Variants in DUS2 observed in about 807,000 individuals in gnomAD.
The protein encoded by DUS2 is dihydrouridine synthase 2, also known as tRNA-dihydrouridine(20) synthase [NAD(P)+]-like.
DUS2 carries 52 observed loss-of-function variants against 71.3 expected under a neutral mutation model. The ratio of observed to expected loss-of-function variants is 0.73; its 90% CI spans 0.58 to 0.92. The LOEUF is 0.92. DUS2 is among the 40% of genes least tolerant of loss of function. The pLI is 0.00. For synonymous variants in DUS2, 204 were observed against 227.8 expected (o/e 0.90, Z 0.94); for missense variants, 558 against 622.6 (o/e 0.90, Z 1.10).
intron 8 of DUS2, 102 bp from the exon 9 acceptor site, chr16:68,066,215 C>CT (rs2034002802): frequency 9.4e-7 from 1 of 1,058,550 alleles, no homozygotes; most frequent in Non-Finnish European, 1.5e-6. Context: ...GCAAACTGTT[C>CT]ATGCCACCGG....
At chr16:68,070,628 T>A (rs1414913154) in intron 11 of DUS2, among the ~76,000 whole-genome samples, 1 of 152,206 alleles carries the variant, frequency 6.6e-6, no homozygotes, top group Non-Finnish European at 1.5e-5. Flanking sequence ...GTAGCCCCAG[T>A]AGCCCAGTTA....
intron 3 of DUS2, among the ~76,000 whole-genome samples, chr16:68,046,481 C>A (rs540055964): frequency 6.6e-6 from 1 of 151,920 alleles, no homozygotes; most frequent in African/African-American, 2.4e-5. Flanking sequence ...CAGGTTCAAG[C>A]GATTCTCCTG....
At chr16:68,054,967 C>T (rs1294682761) in intron 6 of DUS2, among the ~76,000 whole-genome samples, 3 of 152,080 alleles carry the variant, frequency 2.0e-5, no homozygotes, top group East Asian at 1.9e-4. Context: ...CGCTTGAACC[C>T]GGGAGGCAGA....
rs1026759581 is a variant in DUS2 at position 68,079,272 on chromosome 16, C to G, written c.*286C>G. On this transcript the variant is annotated 3_prime_UTR_variant, in exon 17 of 17. Coordinates refer to ENST00000565263, the MANE Select transcript of DUS2 (RefSeq NM_017803.5). ...TTGGTACTGTGCAATAAAGACACCC[C>G]CTACCCTCACCCACGGCTGGCTGCT... 1 of 280,466 alleles carries G rather than the reference C, an allele frequency of 3.6e-6. No individual in the cohort carries two copies. Among genetic ancestry groups the G allele is most frequent in the African/African-American group, 2.2e-5 (1 of 45,850 alleles). 17.4% of individuals were successfully genotyped at this position (280,466 alleles called of 1,614,324 possible). A position where few individuals can be genotyped will look rare whatever the true frequency, so the allele number is the denominator to read the frequency against.
intron 2 of DUS2, among the ~76,000 whole-genome samples, chr16:68,027,630 C>T (rs2033373037): frequency 6.6e-6 from 1 of 152,236 alleles, no homozygotes; most frequent in Non-Finnish European, 1.5e-5. Context: ...GATGAACAAG[C>T]CACAGTGCCT....
At chr16:68,071,452 G>A (rs957424018) in intron 12 of DUS2, among the ~76,000 whole-genome samples, 2 of 152,162 alleles carry the variant, frequency 1.3e-5, no homozygotes, top group African/African-American at 2.4e-5. Flanking sequence ...GCATATGCAC[G>A]TGGACTGTGG....
At chr16:68,027,100 G>C (rs1019800444) in intron 2 of DUS2, 7 of 152,302 alleles carry the variant, frequency 4.6e-5, no homozygotes, top group South Asian at 2.1e-4. Flanking sequence ...AGAGATTGGA[G>C]TAGTCATTCG....
intron 2 of DUS2, among the ~76,000 whole-genome samples, chr16:68,032,069 T>C (rs1207322508): frequency 6.6e-6 from 1 of 152,132 alleles, no homozygotes; most frequent in Non-Finnish European, 1.5e-5. Context: ...AGATTGGAAA[T>C]GAGTGACTAA....
At chr16:68,045,965 T>C (rs2033694459) in intron 3 of DUS2, among the ~76,000 whole-genome samples, 1 of 152,036 alleles carries the variant, frequency 6.6e-6, no homozygotes, top group Non-Finnish European at 1.5e-5. Context: ...TGATCCACCC[T>C]CCCCGGCCTC....
chr16:68,033,921 C>T (rs1437412880), intron 2 of DUS2, among the ~76,000 whole-genome samples: 7 of 152,142 alleles, frequency 4.6e-5, no homozygotes, highest in Middle Eastern at 3.4e-3. Context: ...CATGAACCAC[C>T]GTGCCCAGCC....
At chr16:68,029,452 T>A (rs1371010873) in intron 2 of DUS2, among the ~76,000 whole-genome samples, 1 of 151,942 alleles carries the variant, frequency 6.6e-6, no homozygotes, top group Non-Finnish European at 1.5e-5. Flanking sequence ...ATTTACACTT[T>A]TTTTATTTTT....
At chr16:68,066,723 C>T (rs1159443385) in intron 10 of DUS2, 87 bp downstream of exon 10, 1 of 1,335,296 alleles carries the variant, frequency 7.5e-7, no homozygotes, top group Non-Finnish European at 1.1e-6. Flanking sequence ...CCCCAAGTGA[C>T]AGCCAATTTC....
chr16:68,068,600 T>C (rs2034041156), intron 10 of DUS2, among the ~76,000 whole-genome samples: 2 of 145,408 alleles, frequency 1.4e-5, no homozygotes, highest in Non-Finnish European at 1.5e-5. Context: ...TTTTTTTTTT[T>C]TTTTTTGAGA....
At chr16:68,052,991 C>A (rs1022098367) in intron 4 of DUS2, among the ~76,000 whole-genome samples, 1 of 149,276 alleles carries the variant, frequency 6.7e-6, no homozygotes, top group African/African-American at 2.5e-5. Context: ...GAGACGGAGT[C>A]TTGCTCTGTC....
chr16:68,076,779 C>T lies in DUS2; in HGVS notation c.1170+60C>T, dbSNP rs2034163840. ...TCACAGCACTCCCATGGCTTACACCCTCAACTCTAGATTGCCAGGCTGGAG... is the reference window on the plus strand; with the variant it reads ...TCACAGCACTCCCATGGCTTACACCTTCAACTCTAGATTGCCAGGCTGGAG... On this transcript the variant is annotated intron_variant, in intron 15 of 16. Transcript: ENST00000565263. 8 of 1,458,270 alleles carry T rather than the reference C, an allele frequency of 5.5e-6. No individual in the cohort carries two copies. The Admixed American group carries it at 1.2e-4, about 22-fold the overall frequency. The allele number at this position is 1,458,270 out of a possible 1,614,324, so 90.3% of individuals were successfully genotyped here. A position where few individuals can be genotyped will look rare whatever the true frequency, so the allele number is the denominator to read the frequency against.
chr16:68,035,201 G>T (rs759582023), intron 2 of DUS2, among the ~76,000 whole-genome samples: 3 of 151,944 alleles, frequency 2.0e-5, no homozygotes, highest in African/African-American at 4.8e-5. Context: ...CTTCTCTCTG[G>T]TCTTCCTGCA....
At chr16:68,068,720 C>T (rs1286274875) in intron 10 of DUS2, among the ~76,000 whole-genome samples, 2 of 144,496 alleles carry the variant, frequency 1.4e-5, no homozygotes, top group African/African-American at 5.1e-5. Context: ...TCCTGAGTAG[C>T]TGGGATTACA....
rs763244911 is a variant in DUS2, at chr16:68,038,163, A to AT, written c.126+18dup. On this transcript the variant is annotated intron_variant, in intron 3 of 16. Coordinates refer to ENST00000565263, the MANE Select transcript of DUS2 (RefSeq NM_017803.5). ...GTTTACTGTGAGGTAAGGGGCTCTG[A>AT]TTTTCTGGGTGGGCTTCTCCACAAG... The AT allele has an allele frequency of 1.2e-6, 2 of 1,612,128 alleles. No individual in the cohort carries two copies. Among genetic ancestry groups the AT allele is most frequent in the African/African-American group, 2.7e-5 (2 of 74,612 alleles).
Position 68,061,124 on chromosome 16 carries a change from C to T in DUS2, c.417+11C>T. On this transcript the variant is annotated intron_variant, in intron 8 of 16. Transcript: ENST00000565263. Reference sequence around the variant, plus strand: ...GACAAGATTGAGAAGGTAAGTCCTCCACGAGTGAAAGCAGGGGTCCTCAAA... The same window carrying T: ...GACAAGATTGAGAAGGTAAGTCCTCTACGAGTGAAAGCAGGGGTCCTCAAA... 2 of 1,614,020 alleles carry T rather than the reference C, an allele frequency of 1.2e-6. No homozygotes were observed. The highest frequency in any genetic ancestry group is 1.7e-6 in the Non-Finnish European group (2 of 1,179,870).
Sources: gnomAD v4.1 joint callset for allele counts (sites outside exome capture counted in the v4.1 genomes callset) on GRCh38, gnomAD v4.1.1 for gene constraint, MANE v1.5 for transcripts, NCBI Gene and HGNC (gene_info 2026-07-23, HGNC 2026-07-21) for gene names.